The following RSU1 variants were observed in gnomAD, a reference collection of about 807,000 sequenced individuals.
RSU1 encodes rsu-1.
A neutral mutation model predicts 31.1 loss-of-function variants in RSU1; 26 were observed. The observed-to-expected ratio is 0.84, with a 90% CI of 0.61 to 1.16. RSU1 has a LOEUF of 1.16. RSU1 is among the 50% of genes most tolerant of loss of function. The probability of loss-of-function intolerance (pLI) is 0.00; values close to 1 mark genes in which losing one functional copy is unlikely to be tolerated. For synonymous variants in RSU1, 164 were observed against 136.3 expected, an observed-to-expected ratio of 1.20 and a Z score of -1.41; for missense variants, 320 against 339.1, an observed-to-expected ratio of 0.94 and a Z score of 0.44.
intron 8 of RSU1, among the ~76,000 whole-genome samples, chr10:16,610,883 T>C (rs936704696): frequency 6.6e-6 from 1 of 152,176 alleles, no homozygotes; most frequent in African/African-American, 2.4e-5. Flanking sequence ...ACAGGAAATC[T>C]GTTATCTAGA....
intron 7 of RSU1, among the ~76,000 whole-genome samples, chr10:16,752,186 A>G (rs150126669): frequency 8.9e-4 from 136 of 152,300 alleles, no homozygotes; most frequent in African/African-American, 3.0e-3. Flanking sequence ...GTTATTAATA[A>G]CCAACCAAGA....
rs552714584 is a variant in RSU1 at position 16,638,832 on chromosome 10, T to C, written c.732-45336A>G. On this transcript the variant is annotated intron_variant, in intron 8 of 8. Transcript: ENST00000345264. ...GAGCATTAACTCAAACACCTTATGG[T>C]TTTCACAACTTAAAGAATGGATGTA... 2.0e-5 allele frequency among the ~76,000 whole-genome samples: 3 copies of C among 152,312 alleles called. No homozygotes were observed. In the South Asian group the frequency reaches 6.2e-4, roughly 32 times the overall value.
At position 16,592,942 on chromosome 10, in the gene RSU1, T is replaced by TGTAA. The variant is rs767991583; in HGVS notation, c.*448_*451dup. On this transcript the variant is annotated 3_prime_UTR_variant, in exon 9 of 9. Transcript: ENST00000345264. ...AACTCAAGATTTTATTAAAATCATT[T>TGTAA]GTAAGTTAAATTAGCATATCTCGGT... The TGTAA allele has an allele frequency of 6.5e-6, 1 of 153,750 alleles. No individual in the cohort carries two copies. The highest frequency in any genetic ancestry group is 1.4e-5 in the Non-Finnish European group (1 of 69,122). The allele number at this position is 153,750 out of a possible 1,614,324, so 9.5% of individuals were successfully genotyped here.
chr10:16,718,187 T>C (rs1458162568), intron 7 of RSU1, among the ~76,000 whole-genome samples: 1 of 151,912 alleles, frequency 6.6e-6, no homozygotes, highest in South Asian at 2.1e-4. Context: ...GCATTGGCAC[T>C]TCTTGCTACT....
intron 7 of RSU1, among the ~76,000 whole-genome samples, chr10:16,750,165 T>G (rs905452400): frequency 6.6e-6 from 1 of 152,230 alleles, no homozygotes; most frequent in Non-Finnish European, 1.5e-5. Context: ...TAGCTGTTAC[T>G]GTATTAGTAG....
chr10:16,730,934 G>C (rs754721335), intron 7 of RSU1, among the ~76,000 whole-genome samples: 2 of 151,880 alleles, frequency 1.3e-5, no homozygotes, highest in Admixed American at 6.6e-5. Context: ...AGCGATTCTT[G>C]TGCCTCAGTC....
intron 3 of RSU1, among the ~76,000 whole-genome samples, chr10:16,771,107 C>A (rs1230312014): frequency 1.3e-5 from 2 of 151,970 alleles, no homozygotes; most frequent in Admixed American, 6.6e-5. Context: ...TTAAAATTAG[C>A]TTGTTATTTA....
intron 8 of RSU1, among the ~76,000 whole-genome samples, chr10:16,683,542 GAGTAAATTATCATTGA>G (rs1464929146): frequency 1.3e-5 from 2 of 152,154 alleles, no homozygotes; most frequent in Admixed American, 1.3e-4. Flanking sequence ...TATGGAGACT[GAGTAAATTATCATTGA>G]AGTTTTAGTT....
At chr10:16,807,645 C>G (rs534051938) in intron 2 of RSU1, among the ~76,000 whole-genome samples, 2 of 152,096 alleles carry the variant, frequency 1.3e-5, no homozygotes, top group Admixed American at 1.3e-4. Context: ...ACAGTTAAAG[C>G]TCTGCAACCA....
chr10:16,694,161 T>C (rs978956930), intron 8 of RSU1, among the ~76,000 whole-genome samples: 17 of 152,178 alleles, frequency 1.1e-4, no homozygotes, highest in African/African-American at 3.6e-4. Context: ...CGTGAGGTTT[T>C]TGGGACAGTT....
chr10:16,593,476 T>C lies in RSU1; in HGVS notation c.752A>G (p.Gln251Arg). The part of the protein sequence containing the change: ...TYKYLYGRHM[Q>R]ANPEPPKKNN... ...CTTCTTCGGTGGTTCTGGGTTGGCCTGCATGTGTCTGCCGTAGAGGCTGCA... is the reference window on the plus strand; with the variant it reads ...CTTCTTCGGTGGTTCTGGGTTGGCCCGCATGTGTCTGCCGTAGAGGCTGCA... Residue 251 changes from glutamine (Q) to arginine (R), a missense_variant, in exon 9 of 9, where the codon CAG becomes CGG. Physicochemically the swap from Gln to Arg is conservative, Grantham distance 43. Transcript: ENST00000345264. 6.2e-7 allele frequency: 1 copy of C among 1,614,076 alleles called. No individual in the cohort carries two copies. The highest frequency in any genetic ancestry group is 8.5e-7 in the Non-Finnish European group (1 of 1,179,962).
chr10:16,798,617 G>C (rs1838088049), intron 2 of RSU1, among the ~76,000 whole-genome samples: 3 of 152,134 alleles, frequency 2.0e-5, no homozygotes, highest in Admixed American at 2.0e-4. Context: ...ATGCTGAATG[G>C]TGAGTCAATT....
intron 7 of RSU1, among the ~76,000 whole-genome samples, chr10:16,703,670 T>A (rs1038895654): frequency 2.6e-5 from 4 of 152,168 alleles, no homozygotes; most frequent in Non-Finnish European, 5.9e-5. Context: ...GACATAATAT[T>A]GAAGGTCAAA....
intron 4 of RSU1, among the ~76,000 whole-genome samples, chr10:16,757,116 CGTGTGT>C (rs368041257): frequency 7.3e-6 from 1 of 137,584 alleles, no homozygotes; most frequent in Non-Finnish European, 1.6e-5. Flanking sequence ...TGTGGGTGTG[CGTGTGT>C]GTGTGTGGGC....
intron 2 of RSU1, among the ~76,000 whole-genome samples, chr10:16,788,308 C>T (rs780639): frequency 0.07 from 10,685 of 152,168 alleles, 490 homozygotes; most frequent in Non-Finnish European, 0.099. Context: ...AGGGACTACA[C>T]ATTTGAACGT....
intron 7 of RSU1, chr10:16,748,183 A>C (rs1836896634): frequency 6.6e-6 from 1 of 152,228 alleles, no homozygotes; most frequent in Admixed American, 6.5e-5. Context: ...TGTAGAGTGC[A>C]CAAGTCCAAA....
At chr10:16,725,102 G>A (rs982884613) in intron 7 of RSU1, among the ~76,000 whole-genome samples, 3 of 152,202 alleles carry the variant, frequency 2.0e-5, no homozygotes, top group Admixed American at 6.5e-5. Flanking sequence ...GTTGTCGTGA[G>A]TTTTGGCATG....
intron 8 of RSU1, among the ~76,000 whole-genome samples, chr10:16,622,030 GCT>G (rs1159744727): frequency 6.6e-6 from 1 of 152,070 alleles, no homozygotes; most frequent in African/African-American, 2.4e-5. Context: ...CATTCTCCAT[GCT>G]CTGATTATTT....
At position 16,779,361 on chromosome 10, in the gene RSU1, G is replaced by A. The variant is rs928614683; in HGVS notation, c.160+2673C>T. Among the ~76,000 whole-genome samples, 5 of 152,182 alleles carry A rather than the reference G, an allele frequency of 3.3e-5. No homozygotes were observed. In the South Asian group the frequency reaches 6.2e-4, roughly 19 times the overall value. On this transcript the variant is annotated intron_variant, in intron 3 of 8. Transcript: ENST00000345264. ...AGATCCCACTTTCAGCTTCCTTGTC[G>A]CCTCACTTTTACTGCCCTGGGTAGA...
Sources: gnomAD v4.1 joint callset for allele counts (sites outside exome capture counted in the v4.1 genomes callset) on GRCh38, gnomAD v4.1.1 for gene constraint, MANE v1.5 for transcripts, NCBI Gene and HGNC (gene_info 2026-07-23, HGNC 2026-07-21) for gene names.